Variants in CHRNA2 observed in about 807,000 individuals in gnomAD.
CHRNA2 encodes cholinergic receptor nicotinic alpha 2 subunit, also known as neuronal acetylcholine receptor subunit alpha-2.
CHRNA2 carries 40 observed loss-of-function variants against 45.5 expected under a neutral mutation model. That is an observed-to-expected ratio of 0.88 (90% CI 0.68 to 1.15). The LOEUF is 1.15. Among genes scored for constraint, CHRNA2 ranks in the 50% most tolerant of loss-of-function variants. The pLI is 0.00. For synonymous variants in CHRNA2, 301 were observed against 296.7 expected (o/e 1.01, Z -0.15); for missense variants, 655 against 701.7 (o/e 0.93, Z 0.75).
In CHRNA2 at chr8:27,469,864, T is replaced by C. The variant is rs559859378; in HGVS notation, c.191A>G (p.Lys64Arg). The C allele has an allele frequency of 6.2e-7, 1 of 1,614,050 alleles. No homozygotes were observed. The highest frequency in any genetic ancestry group is 1.1e-5 in the South Asian group (1 of 91,070). ...SHTETEDRLF[K>R]HLFRGYNRWA... ...GCGGTTGTAGCCCCGGAAGAGGTGT[T>C]TGAAGAGCCGGTCCTCAGTCTCGGT... Residue 64 changes from lysine to arginine, a missense_variant, in exon 3 of 7, where the codon AAA (lysine) becomes AGA (arginine). This residue lies in a region of CHRNA2 where 323 missense variants were observed against 354.4 expected (regional missense o/e 0.91). Transcript: ENST00000407991.
chr8:27,477,794 G>A (rs1813104978), intron 1 of CHRNA2, among the ~76,000 whole-genome samples: 1 of 152,094 alleles, frequency 6.6e-6, no homozygotes, highest in Non-Finnish European at 1.5e-5. Flanking sequence ...TTGTAAAGTG[G>A]GTCTGGGTGA....
intron 1 of CHRNA2, among the ~76,000 whole-genome samples, chr8:27,473,168 G>T (rs1478431196): frequency 6.6e-6 from 1 of 152,012 alleles, no homozygotes; most frequent in Non-Finnish European, 1.5e-5. Context: ...GGAGAGAAGA[G>T]CATGGCCTCA....
chr8:27,461,482 T>G lies in CHRNA2; in HGVS notation c.*147A>C, dbSNP rs1368543035. ...CCTGGTACAATAACGTTAAGCTGGA[T>G]GGAAGCCTGCAATCCCTGGGTCAGT... On this transcript the variant is annotated 3_prime_UTR_variant, in exon 7 of 7. Transcript: ENST00000407991. The G allele has an allele frequency of 8.9e-7, 1 of 1,125,150 alleles. No homozygotes were observed. Among genetic ancestry groups the G allele is most frequent in the Non-Finnish European group, 1.3e-6 (1 of 780,360 alleles). 69.7% of individuals were successfully genotyped at this position (1,125,150 alleles called of 1,614,324 possible).
Position 27,461,344 on chromosome 8 carries a change from C to T in CHRNA2, c.*285G>A. 1 of 470,034 alleles carries T rather than the reference C, an allele frequency of 2.1e-6. No individual in the cohort carries two copies. Among genetic ancestry groups the T allele is most frequent in the Non-Finnish European group, 3.9e-6 (1 of 255,466 alleles). 29.1% of individuals were successfully genotyped at this position (470,034 alleles called of 1,614,324 possible). ...GTCACTTAGGGTCTGCACTGCTCCT[C>T]CAGGAGAATCTTACTCTGCCCCACT... On this transcript the variant is annotated 3_prime_UTR_variant, in exon 7 of 7. Transcript: ENST00000407991.
chr8:27,473,531 C>G lies in CHRNA2; in HGVS notation c.-136-2337G>C, dbSNP rs866420291. Among the ~76,000 whole-genome samples the G allele has an allele frequency of 1.4e-4, 17 of 125,668 alleles. 1 individual carries two copies. Among genetic ancestry groups the G allele is most frequent in the Middle Eastern group, 3.6e-3 (1 of 280 alleles). The allele number at this position is 125,668 out of a possible 152,430, so 82.4% of individuals were successfully genotyped here. A position where few individuals can be genotyped will look rare whatever the true frequency, so the allele number is the denominator to read the frequency against. ...CCTGGGCAACATAGTGAGACCCCCC[C>G]CGCCGTCTCTACAAAAAATTCAAAA... On this transcript the variant is annotated intron_variant, in intron 1 of 6. Transcript: ENST00000407991.
At chr8:27,465,715 C>CACCG (rs1812677547) in intron 5 of CHRNA2, among the ~76,000 whole-genome samples, 1 of 152,172 alleles carries the variant, frequency 6.6e-6, no homozygotes, top group African/African-American at 2.4e-5. Flanking sequence ...AGGTGTGAGC[C>CACCG]ACCGCGCCCA....
intron 6 of CHRNA2, among the ~76,000 whole-genome samples, chr8:27,462,425 T>G (rs972581946): frequency 6.6e-6 from 1 of 151,452 alleles, no homozygotes; most frequent in Non-Finnish European, 1.5e-5. Context: ...GGGGCAGGGG[T>G]CAGGGTGGGG....
chr8:27,469,442 G>T lies in CHRNA2; in HGVS notation c.295-63C>A. 2.7e-6 allele frequency: 4 copies of T among 1,503,980 alleles called. No individual in the cohort carries two copies. The South Asian group carries it at 4.8e-5, about 18-fold the overall frequency. The allele number at this position is 1,503,980 out of a possible 1,614,324, so 93.2% of individuals were successfully genotyped here. On this transcript the variant is annotated intron_variant, in intron 3 of 6. Transcript: ENST00000407991. The stretch of plus-strand genomic sequence containing the variant: ...GGGCCCAGCCCCAGAAGACAGGGTG[G>T]AGTGGGATGGGCTGTTTTCAGACCC...
intron 1 of CHRNA2, among the ~76,000 whole-genome samples, chr8:27,471,403 C>T (rs1245903244): frequency 6.6e-6 from 1 of 152,226 alleles, no homozygotes; most frequent in East Asian, 1.9e-4. Flanking sequence ...TGCCCTAAGA[C>T]CAGCCCTGAC....
chr8:27,463,445 A>T lies in CHRNA2; in HGVS notation c.998T>A (p.Leu333Gln), dbSNP rs1317944175. 1 of 1,614,216 alleles carries T rather than the reference A, an allele frequency of 6.2e-7. No individual in the cohort carries two copies. Among genetic ancestry groups the T allele is most frequent in the East Asian group, 2.2e-5 (1 of 44,874 alleles). ...LVIPLIGEYL[L>Q]FTMIFVTLSI... Reference sequence around the variant, plus strand: ...CAGGGTGACGAAGATCATGGTGAACAGCAGGTACTCGCCGATGAGCGGGAT... The same window carrying T: ...CAGGGTGACGAAGATCATGGTGAACTGCAGGTACTCGCCGATGAGCGGGAT... The change falls in exon 6 of 7, where the codon CTG becomes CAG. Residue 333 changes from leucine (L) to glutamine (Q), a missense_variant. Coordinates refer to ENST00000407991, the MANE Select transcript of CHRNA2 (RefSeq NM_000742.4). This position sits in a 1 kb window ranked among gnomAD's most constrained non-coding sequence, Gnocchi z 6.1.
Position 27,467,330 on chromosome 8 carries a change from G to C in CHRNA2, c.348C>G (p.Ser116Arg), listed in dbSNP as rs779790900. 6.2e-7 allele frequency: 1 copy of C among 1,610,048 alleles called. No individual in the cohort carries two copies. Among genetic ancestry groups the C allele is most frequent in the South Asian group, 1.1e-5 (1 of 90,986 alleles). Residue 116 changes from serine (S) to arginine (R), a missense_variant, in exon 5 of 7, where the codon AGC becomes AGG. This residue lies in a region of CHRNA2 where 323 missense variants were observed against 354.4 expected (regional missense o/e 0.91). Coordinates refer to ENST00000407991, the MANE Select transcript of CHRNA2 (RefSeq NM_000742.4). Reference sequence around the variant, plus strand: ...TGGGGTTCCAGCGCAGTTTGTAGTCGCTCCACTCCTGTGTGTGGGGAAGGA... The same window carrying C: ...TGGGGTTCCAGCGCAGTTTGTAGTCCCTCCACTCCTGTGTGTGGGGAAGGA... ...TTNVWLKQEWSDYKLRWNPTD... is the reference protein window; with the variant it reads ...TTNVWLKQEWRDYKLRWNPTD...
intron 2 of CHRNA2, among the ~76,000 whole-genome samples, chr8:27,470,784 A>G (rs1204758902): frequency 6.6e-6 from 1 of 152,230 alleles, no homozygotes; most frequent in Non-Finnish European, 1.5e-5. Context: ...GCTTGGGGAC[A>G]TTTAAGGTGA....
Position 27,460,561 on chromosome 8 carries a change from TG to T in CHRNA2, c.*1067del, listed in dbSNP as rs1812442496. 1 of 152,242 alleles carries T rather than the reference TG, an allele frequency of 6.6e-6. No individual in the cohort carries two copies. Among genetic ancestry groups the T allele is most frequent in the African/African-American group, 2.4e-5 (1 of 41,432 alleles). 9.4% of individuals were successfully genotyped at this position (152,242 alleles called of 1,614,324 possible). A position where few individuals can be genotyped will look rare whatever the true frequency, so the allele number is the denominator to read the frequency against. ...TGGGAAAAATAACAGGCAGAGTACCTGCCTTTGAGAAGTTCAGAATCAAAGG... is the reference window on the plus strand; with the variant it reads ...TGGGAAAAATAACAGGCAGAGTACCTCCTTTGAGAAGTTCAGAATCAAAGG... On this transcript the variant is annotated 3_prime_UTR_variant, in exon 7 of 7. Transcript: ENST00000407991.
At chr8:27,469,241 C>T (rs1220484962) in intron 4 of CHRNA2, 94 bp downstream of exon 4, 12 of 1,239,908 alleles carry the variant, frequency 9.7e-6, no homozygotes, top group East Asian at 2.5e-5. Context: ...TCTTGCTGTT[C>T]CTTGGTCTTT....
At chr8:27,468,979 C>T (rs929718330) in intron 4 of CHRNA2, among the ~76,000 whole-genome samples, 1 of 152,236 alleles carries the variant, frequency 6.6e-6, no homozygotes, top group Non-Finnish European at 1.5e-5. Context: ...AGCCCAGCTT[C>T]TCTCTGCTTC....
chr8:27,470,595 G>C (rs1439174288), intron 2 of CHRNA2, among the ~76,000 whole-genome samples: 1 of 152,186 alleles, frequency 6.6e-6, no homozygotes, highest in African/African-American at 2.4e-5. Flanking sequence ...CTGTCCGAGC[G>C]AGTCGAGAAC....
At chr8:27,476,910 T>C (rs77357825) in intron 1 of CHRNA2, among the ~76,000 whole-genome samples, 1 of 151,926 alleles carries the variant, frequency 6.6e-6, no homozygotes, top group Admixed American at 6.6e-5. Flanking sequence ...GTTTACAAGG[T>C]ACTTTTGCAG....
At chr8:27,469,594 G>C in intron 3 of CHRNA2, 167 bp downstream of exon 3, 1 of 913,212 alleles carries the variant, frequency 1.1e-6, no homozygotes, top group Admixed American at 2.0e-5. Context: ...GAGCTCCAGA[G>C]CTGGGAGAGG....
At chr8:27,475,275 G>A (rs1479215463) in intron 1 of CHRNA2, 2 of 152,304 alleles carry the variant, frequency 1.3e-5, no homozygotes, top group South Asian at 4.1e-4. Context: ...TCAATCAGCT[G>A]TGTAAAAAGT....
Sources: gnomAD v4.1 joint callset for allele counts (sites outside exome capture counted in the v4.1 genomes callset) on GRCh38, gnomAD v4.1.1 for gene constraint, gnomAD v4.1.1 regional missense constraint, Gnocchi (gnomAD v3.1) non-coding constraint, MANE v1.5 for transcripts, NCBI Gene and HGNC (gene_info 2026-07-23, HGNC 2026-07-21) for gene names.